The following SLC28A1 variants were observed in gnomAD, a reference collection of about 807,000 sequenced individuals.
SLC28A1 encodes sodium/nucleoside cotransporter 1.
Under a neutral mutation model 74.8 loss-of-function variants are expected in SLC28A1, and 64 were observed. That is an observed-to-expected ratio of 0.86 (90% CI 0.70 to 1.05). The LOEUF is 1.05. SLC28A1 is among the 50% of genes least tolerant of loss of function. The pLI is 0.00. For missense variants in SLC28A1, 828 were observed against 822.8 expected (o/e 1.01, Z -0.08); for synonymous variants, 359 against 335.0 (o/e 1.07, Z -0.78).
rs754061918 is a variant in SLC28A1 at position 84,924,093 on chromosome 15, G to A, written c.1066G>A (p.Ala356Thr). 1.2e-6 allele frequency: 2 copies of A among 1,613,548 alleles called. No individual in the cohort carries two copies. The highest frequency in any genetic ancestry group is 2.2e-5 in the South Asian group (2 of 91,072). ...CACCATTGCTGGCAGCCTGCTGGGT[G>A]CCTACATCTCCTTTGGGGTAGGTAG... is the stretch of plus-strand genomic sequence containing the variant. ...YATIAGSLLGAYISFGIDATS... is the reference protein window; with the variant it reads ...YATIAGSLLGTYISFGIDATS... The change falls in exon 12 of 19, where the codon GCC (alanine) becomes ACC (threonine). Residue 356 changes from alanine (A) to threonine (T), a missense_variant. Ala to Thr is a moderately conservative substitution (Grantham distance 58). Coordinates refer to ENST00000394573, the MANE Select transcript of SLC28A1 (RefSeq NM_004213.5).
downstream of SLC28A1, among the ~76,000 whole-genome samples, chr15:84,950,220 G>T (rs2079370255): frequency 6.6e-6 from 1 of 152,144 alleles, no homozygotes; most frequent in Non-Finnish European, 1.5e-5. Context: ...GGCAACAAAA[G>T]AAATCAACGT....
intron 6 of SLC28A1, among the ~76,000 whole-genome samples, chr15:84,899,433 C>G (rs1409261887): frequency 6.6e-6 from 1 of 151,900 alleles, no homozygotes; most frequent in African/African-American, 2.4e-5. Context: ...TTCATGAACC[C>G]CCAGCACAAG....
rs370744094 is a variant in SLC28A1, at chr15:84,918,562, C to T, written c.834C>T (p.Ser278=). The T allele has an allele frequency of 9.3e-6, 15 of 1,613,996 alleles. No homozygotes were observed. The East Asian group carries it at 1.1e-4, about 12-fold the overall frequency. The part of the protein sequence containing the change: ...PIIVFFSCVI[S]VLYHVGLMQW... ...TTGTCTTTTTCAGCTGTGTCATATC[C>T]GTTCTCTACCACGTGGGCCTCATGC... The change falls in exon 10 of 19, where the codon TCC becomes TCT. Residue 278 remains serine (S), a synonymous_variant. Transcript: ENST00000394573.
chr15:84,935,741 GT>G (rs1368230041), intron 15 of SLC28A1, among the ~76,000 whole-genome samples: 1 of 152,142 alleles, frequency 6.6e-6, no homozygotes, highest in Non-Finnish European at 1.5e-5. Flanking sequence ...AGAGAGCATT[GT>G]TTGGGATGTC....
Position 84,945,335 on chromosome 15 carries a change from G to C in SLC28A1, c.*135G>C, listed in dbSNP as rs2079165589. 1.0e-5 allele frequency: 8 copies of C among 797,472 alleles called. No homozygotes were observed. Among genetic ancestry groups the C allele is most frequent in the Non-Finnish European group, 1.5e-5 (7 of 458,524 alleles). 49.4% of individuals were successfully genotyped at this position (797,472 alleles called of 1,614,324 possible). A position where few individuals can be genotyped will look rare whatever the true frequency, so the allele number is the denominator to read the frequency against. The stretch of plus-strand genomic sequence containing the variant: ...AGACCCAGCTCAATCCCACAATTGG[G>C]AAGGGTTCATGGAGTGAGTGTGCAG... On this transcript the variant is annotated 3_prime_UTR_variant, in exon 19 of 19. Transcript: ENST00000394573.
intron 6 of SLC28A1, among the ~76,000 whole-genome samples, chr15:84,898,579 CAAA>C (rs34936074): frequency 5.7e-4 from 79 of 138,144 alleles, no homozygotes; most frequent in Non-Finnish European, 5.4e-4. Context: ...ACTCCATCAC[CAAA>C]AAAAAAAAAA....
chr15:84,918,731 C>G, intron 10 of SLC28A1, 127 bp downstream of exon 10: 1 of 779,404 alleles, frequency 1.3e-6, no homozygotes, highest in Non-Finnish European at 2.3e-6. Flanking sequence ...AAGCCCACAC[C>G]CTTCCAGAGT....
chr15:84,961,125 A>G, the SLC28A1 span, among the ~76,000 whole-genome samples: 1 of 152,128 alleles, frequency 6.6e-6, no homozygotes, highest in Admixed American at 6.5e-5. Context: ...GGGGTGTTGT[A>G]AGCATTAACT....
intron 5 of SLC28A1, among the ~76,000 whole-genome samples, chr15:84,893,973 G>T (rs1006658314): frequency 6.6e-6 from 1 of 152,212 alleles, no homozygotes; most frequent in Admixed American, 6.5e-5. Context: ...TGTACCAGAG[G>T]GGTTGGGTAG....
the SLC28A1 span, among the ~76,000 whole-genome samples, chr15:84,955,290 A>G: frequency 6.6e-6 from 1 of 152,142 alleles, no homozygotes; most frequent in Non-Finnish European, 1.5e-5. Flanking sequence ...CCGAGAGCAT[A>G]ATGGATGGTA....
intron 4 of SLC28A1, 69 bp downstream of exon 4, chr15:84,888,929 G>A (rs867142872): frequency 1.4e-4 from 158 of 1,136,744 alleles, no homozygotes; most frequent in Middle Eastern, 2.0e-4. Flanking sequence ...ATGGGGAGCC[G>A]GGCCTCCTGG....
chr15:84,889,721 C>CTTCTTTCCTTCCTTCCTTCT, intron 4 of SLC28A1, among the ~76,000 whole-genome samples: 1 of 46,194 alleles, frequency 2.2e-5, no homozygotes, highest in Non-Finnish European at 5.8e-5. Flanking sequence ...TCCTTCCTTC[C>CTTCTTTCCTTCCTTCCTTCT]TTCCTTCCTT....
chr15:84,965,902 G>A, the SLC28A1 span, among the ~76,000 whole-genome samples: 4 of 144,812 alleles, frequency 2.8e-5, no homozygotes, highest in African/African-American at 5.2e-5. Flanking sequence ...GGGAGGCGGG[G>A]AGGGGGGGGA....
intron 12 of SLC28A1, among the ~76,000 whole-genome samples, chr15:84,929,207 A>C (rs1395265711): frequency 1.3e-5 from 2 of 152,218 alleles, no homozygotes; most frequent in Non-Finnish European, 2.9e-5. Context: ...GAGTTAAATA[A>C]GACATTATTA....
Position 84,944,601 on chromosome 15 carries a change from C to A in SLC28A1, c.1699C>A (p.Gln567Lys). The change falls in exon 17 of 19, where the codon CAG (glutamine) becomes AAG (lysine). Residue 567 changes from glutamine to lysine, a missense_variant. Coordinates refer to ENST00000394573, the MANE Select transcript of SLC28A1 (RefSeq NM_004213.5). ...MVPQRKSDFS[Q>K]IVLRALFTGA... ...CCCCCAACGGAAGAGCGACTTCTCC[C>A]AGATAGTGCTCCGGGCGCTCTTCAC... The A allele has an allele frequency of 6.2e-7, 1 of 1,614,092 alleles. No individual in the cohort carries two copies. Among genetic ancestry groups the A allele is most frequent in the Non-Finnish European group, 8.5e-7 (1 of 1,179,918 alleles).
intron 15 of SLC28A1, 130 bp downstream of exon 15, chr15:84,935,648 C>T: frequency 4.0e-6 from 3 of 754,984 alleles, no homozygotes; most frequent in East Asian, 5.1e-5. Context: ...TCACCTCCTA[C>T]ATCCTGTAGT....
Position 84,935,076 on chromosome 15 carries a change from T to C in SLC28A1, c.1265T>C (p.Val422Ala), listed in dbSNP as rs2142008034. ...EAASTGAAIS[V>A]KVVANIAANL... ...GCCAGCACTGGGGCCGCCATCTCCGTGAAGGTGGTCGCCAACATCGCTGCC... is the reference window on the plus strand; with the variant it reads ...GCCAGCACTGGGGCCGCCATCTCCGCGAAGGTGGTCGCCAACATCGCTGCC... The change falls in exon 14 of 19, where the codon GTG becomes GCG. Residue 422 changes from valine (V) to alanine (A), a missense_variant. Val to Ala is a moderately conservative substitution (Grantham distance 64). Coordinates refer to ENST00000394573, the MANE Select transcript of SLC28A1 (RefSeq NM_004213.5). 1 of 1,614,110 alleles carries C rather than the reference T, an allele frequency of 6.2e-7. No individual in the cohort carries two copies. Among genetic ancestry groups the C allele is most frequent in the East Asian group, 2.2e-5 (1 of 44,880 alleles).
At chr15:84,933,070 G>GC in intron 12 of SLC28A1, 75 bp from the exon 13 acceptor site, 1 of 1,532,776 alleles carries the variant, frequency 6.5e-7, no homozygotes, top group Non-Finnish European at 9.0e-7. Flanking sequence ...TGCCCTTGCT[G>GC]CCCTGGGCCG....
chr15:84,943,802 G>A (rs980369536), intron 16 of SLC28A1, among the ~76,000 whole-genome samples: 7 of 151,958 alleles, frequency 4.6e-5, no homozygotes, highest in Admixed American at 6.5e-5. Flanking sequence ...GGTGGTGCAC[G>A]CCTGTGATCC....
Sources: allele counts gnomAD v4.1 joint callset (sites outside exome capture counted in the v4.1 genomes callset), GRCh38; gene constraint gnomAD v4.1.1; transcripts MANE v1.5; gene names NCBI Gene and HGNC (gene_info 2026-07-23, HGNC 2026-07-21).